The following GBE1 variants were observed in gnomAD, a reference collection of about 807,000 sequenced individuals.
GBE1 encodes 1,4-alpha-glucan branching enzyme 1, also known as 1,4-alpha-glucan-branching enzyme.
Under a neutral mutation model 88.8 loss-of-function variants are expected in GBE1, and 70 were observed. That is an observed-to-expected ratio of 0.79 (90% CI 0.65 to 0.96). GBE1 has a LOEUF of 0.96. GBE1 is among the 40% of genes least tolerant of loss of function. The pLI is 0.00. For synonymous variants in GBE1, 284 were observed against 300.1 expected (o/e 0.95, Z 0.56); for missense variants, 872 against 871.0 (o/e 1.00, Z -0.01).
intron 7 of GBE1, among the ~76,000 whole-genome samples, chr3:81,600,884 T>C (rs1418575908): frequency 1.3e-5 from 2 of 152,008 alleles, no homozygotes; most frequent in Non-Finnish European, 2.9e-5. Flanking sequence ...AGGCACCTAG[T>C]TCTTCAAAAA....
chr3:81,603,338 T>C (rs1480964937), intron 7 of GBE1, among the ~76,000 whole-genome samples: 3 of 152,134 alleles, frequency 2.0e-5, no homozygotes, highest in Admixed American at 2.0e-4. Flanking sequence ...TTGTAATATA[T>C]AATGAAATAA....
At chr3:81,745,065 C>A (rs963316200) in intron 1 of GBE1, among the ~76,000 whole-genome samples, 7 of 152,086 alleles carry the variant, frequency 4.6e-5, no homozygotes, top group African/African-American at 1.7e-4. Context: ...GAGCTCCTGT[C>A]AGGTAGGACG....
At chr3:81,641,060 A>T (rs1044878734) in intron 7 of GBE1, among the ~76,000 whole-genome samples, 2 of 152,132 alleles carry the variant, frequency 1.3e-5, no homozygotes, top group Admixed American at 6.6e-5. Flanking sequence ...CTTTGGTACA[A>T]CAAGGTACAC....
intron 12 of GBE1, among the ~76,000 whole-genome samples, chr3:81,561,407 C>T (rs1347678849): frequency 6.6e-6 from 1 of 151,962 alleles, no homozygotes; most frequent in Non-Finnish European, 1.5e-5. Context: ...ATAAGTTAGG[C>T]AGAGTTAATG....
intron 10 of GBE1, among the ~76,000 whole-genome samples, 177 bp downstream of exon 10, chr3:81,585,915 C>T (rs560695366): frequency 2.0e-5 from 3 of 152,298 alleles, no homozygotes; most frequent in South Asian, 2.1e-4. Context: ...TAAATCAGAA[C>T]TTTTAATATT....
chr3:81,536,594 G>A (rs958671084), intron 13 of GBE1, among the ~76,000 whole-genome samples: 11 of 151,964 alleles, frequency 7.2e-5, no homozygotes, highest in Non-Finnish European at 5.9e-5. Flanking sequence ...CAATTAAGAT[G>A]TTTCCACAGC....
intron 9 of GBE1, among the ~76,000 whole-genome samples, chr3:81,587,243 C>T (rs763927503): frequency 6.6e-6 from 1 of 152,126 alleles, no homozygotes; most frequent in Non-Finnish European, 1.5e-5. Flanking sequence ...AAGATAGGTA[C>T]AGGGACCCAG....
At chr3:81,700,898 A>C (rs1705677650) in intron 2 of GBE1, among the ~76,000 whole-genome samples, 1 of 152,154 alleles carries the variant, frequency 6.6e-6, no homozygotes. Flanking sequence ...AGTAATTTTA[A>C]ATGAAATGCT....
chr3:81,740,766 G>GCACACACAGA (rs1706338020), intron 1 of GBE1, among the ~76,000 whole-genome samples: 1 of 149,192 alleles, frequency 6.7e-6, no homozygotes, highest in Non-Finnish European at 1.5e-5. Flanking sequence ...GTTAGAAAGT[G>GCACACACAGA]CACACACACA....
rs137869072 is a variant in GBE1 at position 81,535,371 on chromosome 3, C to T, written c.1804-46G>A. On this transcript the variant is annotated intron_variant, in intron 13 of 15. Coordinates refer to ENST00000429644, the MANE Select transcript of GBE1 (RefSeq NM_000158.4). ...GTTACATTTAAATAATACCTAGATG[C>T]TGCTACAAGTACATTATTTTTTGTC... is the stretch of plus-strand genomic sequence containing the variant. 2.6e-6 allele frequency: 4 copies of T among 1,541,750 alleles called. No individual in the cohort carries two copies. The African/African-American group carries it at 4.2e-5, about 16-fold the overall frequency.
Position 81,580,277 on chromosome 3 carries a change from C to G in GBE1, c.1446+888G>C, listed in dbSNP as rs749253041. On this transcript the variant is annotated intron_variant, in intron 11 of 15. Transcript: ENST00000429644. Reference sequence around the variant, plus strand: ...TTTAAAAATATTTATTAAGTGATTACTAGGATCAGTCACAGTGCTAAAGGC... The same window carrying G: ...TTTAAAAATATTTATTAAGTGATTAGTAGGATCAGTCACAGTGCTAAAGGC... 5.3e-5 allele frequency among the ~76,000 whole-genome samples: 8 copies of G among 151,754 alleles called. No homozygotes were observed. The South Asian group carries it at 6.2e-4, about 12-fold the overall frequency.
intron 2 of GBE1, among the ~76,000 whole-genome samples, chr3:81,692,690 C>A (rs1179051084): frequency 6.6e-6 from 1 of 152,052 alleles, no homozygotes; most frequent in East Asian, 1.9e-4. Context: ...TTGGACTAAA[C>A]TTTATAAAGA....
chr3:81,683,387 T>C (rs908998262), intron 2 of GBE1, among the ~76,000 whole-genome samples: 1 of 152,194 alleles, frequency 6.6e-6, no homozygotes, highest in Non-Finnish European at 1.5e-5. Context: ...TAGTGAGATA[T>C]ATAAAAATTT....
At chr3:81,687,400 A>G (rs1013854941) in intron 2 of GBE1, among the ~76,000 whole-genome samples, 7 of 152,338 alleles carry the variant, frequency 4.6e-5, no homozygotes, top group Admixed American at 1.3e-4. Flanking sequence ...TTGAAAGCAC[A>G]TGGAAAAGAT....
chr3:81,677,044 T>C (rs933032983), intron 2 of GBE1, among the ~76,000 whole-genome samples: 1 of 152,212 alleles, frequency 6.6e-6, no homozygotes, highest in African/African-American at 2.4e-5. Flanking sequence ...AATGTCAGCC[T>C]CCTTCAAACA....
At position 81,630,921 on chromosome 3, in the gene GBE1, G is replaced by T. The variant is rs185185445; in HGVS notation, c.992+11860C>A. On this transcript the variant is annotated intron_variant, in intron 7 of 15. Transcript: ENST00000429644. ...TAAGAAATATATAAGATGTTCCCTAGGCTGTGCATGGTGGCTCATGCCTAT... is the reference window on the plus strand; with the variant it reads ...TAAGAAATATATAAGATGTTCCCTATGCTGTGCATGGTGGCTCATGCCTAT... Among the ~76,000 whole-genome samples the T allele has an allele frequency of 4.6e-5, 7 of 152,256 alleles. No individual in the cohort carries two copies. The East Asian group carries it at 1.4e-3, about 29-fold the overall frequency.
chr3:81,555,495 T>C lies in GBE1; in HGVS notation c.1619-18400A>G, dbSNP rs192040998. Among the ~76,000 whole-genome samples, 6 of 152,332 alleles carry C rather than the reference T, an allele frequency of 3.9e-5. No homozygotes were observed. In the East Asian group the frequency reaches 1.2e-3, roughly 29 times the overall value. On this transcript the variant is annotated intron_variant, in intron 12 of 15. Coordinates refer to ENST00000429644, the MANE Select transcript of GBE1 (RefSeq NM_000158.4). The stretch of plus-strand genomic sequence containing the variant: ...AGTTAGTAACTTAATGGGTGCTGCA[T>C]TTAATTTTTGTCATATCTAACAGTT...
chr3:81,624,236 C>G (rs529783011), intron 7 of GBE1, among the ~76,000 whole-genome samples: 1 of 152,210 alleles, frequency 6.6e-6, no homozygotes, highest in Non-Finnish European at 1.5e-5. Flanking sequence ...AACTCACTCA[C>G]TATCATGAGA....
At chr3:81,526,501 C>A (rs1355649712) in intron 14 of GBE1, among the ~76,000 whole-genome samples, 1 of 152,060 alleles carries the variant, frequency 6.6e-6, no homozygotes, top group Non-Finnish European at 1.5e-5. Flanking sequence ...TCTCCTGAAG[C>A]TGATAAGCAA....
Sources: gnomAD v4.1 joint callset for allele counts (sites outside exome capture counted in the v4.1 genomes callset) on GRCh38, gnomAD v4.1.1 for gene constraint, MANE v1.5 for transcripts, NCBI Gene and HGNC (gene_info 2026-07-23, HGNC 2026-07-21) for gene names.